The following WWOX variants were observed in gnomAD, a reference collection of about 807,000 sequenced individuals.
WWOX encodes the protein WW domain containing oxidoreductase, also known as WW domain-containing oxidoreductase.
Under a neutral mutation model 46.2 loss-of-function variants are expected in WWOX, and 69 were observed. The ratio of observed to expected loss-of-function variants is 1.49; its 90% CI spans 1.23 to 1.82. WWOX has a LOEUF of 1.82. WWOX is among the 40% of genes most tolerant of loss of function. The probability of loss-of-function intolerance (pLI) is 0.00; values close to 1 mark genes in which losing one functional copy is unlikely to be tolerated. For synonymous variants in WWOX, 359 were observed against 202.6 expected, an observed-to-expected ratio of 1.77 and a Z score of -6.56; for missense variants, 919 against 542.6, an observed-to-expected ratio of 1.69 and a Z score of -6.89.
chr16:78,647,649 C>G (rs1288098086), intron 8 of WWOX, among the ~76,000 whole-genome samples: 1 of 152,222 alleles, frequency 6.6e-6, no homozygotes, highest in South Asian at 2.1e-4. Context: ...TGAGTGCTGA[C>G]AGGCACATCA....
intron 8 of WWOX, among the ~76,000 whole-genome samples, chr16:78,717,076 C>T (rs1470532324): frequency 2.0e-5 from 3 of 152,174 alleles, no homozygotes; most frequent in African/African-American, 4.8e-5. Context: ...TAAATGGCTT[C>T]ATCACATGGT....
chr16:78,156,558 T>A (rs1299006711), intron 4 of WWOX, among the ~76,000 whole-genome samples: 1 of 152,192 alleles, frequency 6.6e-6, no homozygotes, highest in Non-Finnish European at 1.5e-5. Flanking sequence ...TGAATCCTAC[T>A]GGGTGCTAGT....
intron 5 of WWOX, among the ~76,000 whole-genome samples, chr16:78,357,029 T>A (rs1258588853): frequency 6.6e-6 from 1 of 152,218 alleles, no homozygotes; most frequent in East Asian, 1.9e-4. Flanking sequence ...TTTGCTGACA[T>A]CCATTTATCA....
At chr16:78,317,238 G>A (rs1253309177) in intron 5 of WWOX, among the ~76,000 whole-genome samples, 1 of 152,166 alleles carries the variant, frequency 6.6e-6, no homozygotes, top group Non-Finnish European at 1.5e-5. Flanking sequence ...AACAACTGCA[G>A]GAACTTGAGT....
intron 6 of WWOX, among the ~76,000 whole-genome samples, chr16:78,395,109 G>C (rs917602681): frequency 6.6e-6 from 1 of 152,170 alleles, no homozygotes; most frequent in Non-Finnish European, 1.5e-5. Context: ...AATGATCTTA[G>C]AAAGGTTTCT....
chr16:78,886,798 C>G (rs886689706), intron 8 of WWOX, among the ~76,000 whole-genome samples: 12 of 152,054 alleles, frequency 7.9e-5, no homozygotes, highest in African/African-American at 2.7e-4. Context: ...CCACCTGCAA[C>G]AGCTGTATGG....
intron 8 of WWOX, among the ~76,000 whole-genome samples, chr16:79,135,200 TA>T (rs1371372287): frequency 6.6e-6 from 1 of 152,100 alleles, no homozygotes; most frequent in Non-Finnish European, 1.5e-5. Flanking sequence ...TAGAAAAAAA[TA>T]TTTATTTTTG....
intron 8 of WWOX, among the ~76,000 whole-genome samples, chr16:78,438,152 A>G (rs1161401573): frequency 6.6e-6 from 1 of 152,174 alleles, no homozygotes; most frequent in Non-Finnish European, 1.5e-5. Flanking sequence ...ACGATGCTTT[A>G]TGTATCAGCA....
chr16:78,402,570 T>C (rs986576901), intron 6 of WWOX, among the ~76,000 whole-genome samples: 11 of 152,152 alleles, frequency 7.2e-5, no homozygotes, highest in African/African-American at 2.7e-4. Flanking sequence ...ACCAACCCCC[T>C]TTCTGAGCCC....
At chr16:78,751,664 G>A (rs2049483474) in intron 8 of WWOX, among the ~76,000 whole-genome samples, 1 of 151,294 alleles carries the variant, frequency 6.6e-6, no homozygotes, top group African/African-American at 2.4e-5. Context: ...AATACTCCAA[G>A]AAAGCCATTT....
intron 8 of WWOX, among the ~76,000 whole-genome samples, chr16:78,608,381 G>A (rs902215417): frequency 1.3e-5 from 2 of 152,162 alleles, no homozygotes; most frequent in Admixed American, 1.3e-4. Flanking sequence ...AAGTCTGTTT[G>A]AATCCCCCAA....
chr16:78,831,297 C>A (rs1009170578), intron 8 of WWOX, among the ~76,000 whole-genome samples: 1 of 152,200 alleles, frequency 6.6e-6, no homozygotes. Flanking sequence ...CTTTAGGCTC[C>A]TGGAGGATTG....
chr16:78,876,382 A>C (rs2044234070), intron 8 of WWOX, among the ~76,000 whole-genome samples: 1 of 151,744 alleles, frequency 6.6e-6, no homozygotes, highest in South Asian at 2.1e-4. Flanking sequence ...TTTGTGAAAA[A>C]GGATGAATTT....
chr16:78,545,819 C>G lies in WWOX; in HGVS notation c.1056+113067C>G, dbSNP rs567311174. ...GCTTGCAGACGGCCGCCTTCTTGCTCTGTCCTCACGTGGCCTTCCGTCTGT... is the reference window on the plus strand; with the variant it reads ...GCTTGCAGACGGCCGCCTTCTTGCTGTGTCCTCACGTGGCCTTCCGTCTGT... On this transcript the variant is annotated intron_variant, in intron 8 of 8. Transcript: ENST00000566780. Among the ~76,000 whole-genome samples the G allele has an allele frequency of 3.1e-4, 47 of 152,296 alleles. 1 individual carries two copies. Among genetic ancestry groups the G allele is most frequent in the African/African-American group, 9.6e-4 (40 of 41,568 alleles).
At chr16:79,176,789 C>G (rs1244162964) in intron 8 of WWOX, among the ~76,000 whole-genome samples, 1 of 152,100 alleles carries the variant, frequency 6.6e-6, no homozygotes. Flanking sequence ...AAACCTGAGC[C>G]TTGGCATTTG....
intron 8 of WWOX, among the ~76,000 whole-genome samples, chr16:78,627,825 G>T (rs2548863): frequency 6.6e-6 from 1 of 152,234 alleles, no homozygotes; most frequent in Non-Finnish European, 1.5e-5. Flanking sequence ...GCTCTGACAA[G>T]ATGATGCCGA....
chr16:78,560,668 TACAA>T (rs1226026244), intron 8 of WWOX, among the ~76,000 whole-genome samples: 1 of 151,766 alleles, frequency 6.6e-6, no homozygotes, highest in Non-Finnish European at 1.5e-5. Context: ...ATAATAATGT[TACAA>T]TAATAATAAT....
At chr16:79,075,487 T>A (rs778679658) in intron 8 of WWOX, among the ~76,000 whole-genome samples, 1 of 152,226 alleles carries the variant, frequency 6.6e-6, no homozygotes, top group Non-Finnish European at 1.5e-5. Flanking sequence ...GTTGCTTACA[T>A]GTGTTAAATA....
At chr16:78,829,891 C>T (rs1031674878) in intron 8 of WWOX, among the ~76,000 whole-genome samples, 1 of 152,042 alleles carries the variant, frequency 6.6e-6, no homozygotes, top group African/African-American at 2.4e-5. Context: ...CAGAGCAACC[C>T]CGCCTCTTCT....
Sources: gnomAD v4.1 joint callset for allele counts (sites outside exome capture counted in the v4.1 genomes callset) on GRCh38, gnomAD v4.1.1 for gene constraint, MANE v1.5 for transcripts, NCBI Gene and HGNC (gene_info 2026-07-23, HGNC 2026-07-21) for gene names.